ALOX5: variants seen among roughly 807,000 people sequenced by gnomAD.
ALOX5 encodes the protein polyunsaturated fatty acid 5-lipoxygenase.
Under a neutral mutation model 87.9 loss-of-function variants are expected in ALOX5, and 64 were observed. The observed-to-expected ratio is 0.73, with a 90% CI of 0.60 to 0.90. The LOEUF is 0.90. Ranked by LOEUF, ALOX5 falls within the 40% of genes least tolerant of loss-of-function variation. ALOX5 has a pLI of 0.00. For synonymous variants in ALOX5, 388 were observed against 355.1 expected, an observed-to-expected ratio of 1.09 and a Z score of -1.04; for missense variants, 822 against 907.5, an observed-to-expected ratio of 0.91 and a Z score of 1.21.
chr10:45,408,376 G>A (rs934148616), intron 3 of ALOX5, among the ~76,000 whole-genome samples: 2 of 152,152 alleles, frequency 1.3e-5, no homozygotes, highest in Non-Finnish European at 2.9e-5. Flanking sequence ...GACAACTTGG[G>A]GGAGGGGAGC....
At chr10:45,421,328 GT>G (rs1479945852) in intron 4 of ALOX5, among the ~76,000 whole-genome samples, 4 of 152,292 alleles carry the variant, frequency 2.6e-5, no homozygotes, top group Admixed American at 2.0e-4. Context: ...TGGGTAATTG[GT>G]GACTCACTCC....
At chr10:45,443,311 T>C (rs1842303983) in intron 10 of ALOX5, 95 bp downstream of exon 10, 2 of 1,578,782 alleles carry the variant, frequency 1.3e-6, no homozygotes, top group Admixed American at 3.5e-5. Flanking sequence ...TAGCGCTGAA[T>C]GGGGACGGGG....
intron 1 of ALOX5, among the ~76,000 whole-genome samples, chr10:45,376,337 G>C (rs1345677033): frequency 6.6e-6 from 1 of 151,758 alleles, no homozygotes; most frequent in South Asian, 2.1e-4. Flanking sequence ...GGTGGGGCGG[G>C]GGGTGGTTGG....
intron 2 of ALOX5, among the ~76,000 whole-genome samples, chr10:45,384,990 C>G (rs1839964218): frequency 6.6e-6 from 1 of 152,012 alleles, no homozygotes; most frequent in Non-Finnish European, 1.5e-5. Context: ...TTACAGGCTC[C>G]AGGTAGCCAC....
intron 1 of ALOX5, among the ~76,000 whole-genome samples, chr10:45,380,579 A>G (rs1839790907): frequency 6.6e-6 from 1 of 152,214 alleles, no homozygotes; most frequent in South Asian, 2.1e-4. Flanking sequence ...CCACTTTGCC[A>G]TCATGCTGAG....
intron 2 of ALOX5, among the ~76,000 whole-genome samples, chr10:45,390,095 G>T (rs1009229127): frequency 5.9e-5 from 9 of 152,158 alleles, no homozygotes; most frequent in African/African-American, 2.2e-4. Flanking sequence ...AGACAAAGAA[G>T]GCCATTACAT....
At chr10:45,396,412 G>T (rs138359103) in intron 3 of ALOX5, among the ~76,000 whole-genome samples, 191 of 152,164 alleles carry the variant, frequency 1.3e-3, no homozygotes, top group African/African-American at 4.3e-3. Context: ...TAAAATGAGG[G>T]AAAATCAATA....
intron 3 of ALOX5, among the ~76,000 whole-genome samples, chr10:45,401,555 A>G (rs544772990): frequency 1.3e-5 from 2 of 152,272 alleles, no homozygotes; most frequent in Non-Finnish European, 2.9e-5. Flanking sequence ...CAGTGTAGCA[A>G]AAATCATTTT....
In ALOX5 at chr10:45,435,097, T is replaced by A. The variant is rs182460532; in HGVS notation, c.982-5333T>A. Among the ~76,000 whole-genome samples the A allele has an allele frequency of 2.6e-5, 4 of 152,060 alleles. No individual in the cohort carries two copies. In the East Asian group the frequency reaches 7.7e-4, roughly 29 times the overall value. On this transcript the variant is annotated intron_variant, in intron 7 of 13. Coordinates refer to ENST00000374391, the MANE Select transcript of ALOX5 (RefSeq NM_000698.5). ...GACAGGAGTGGGAGGATGTGAAGGA[T>A]GGGTTGGGGAAGGCCCAGCTCAGTG...
intron 7 of ALOX5, among the ~76,000 whole-genome samples, chr10:45,434,996 T>A (rs1467327528): frequency 6.6e-6 from 1 of 152,208 alleles, no homozygotes; most frequent in Non-Finnish European, 1.5e-5. Context: ...AGCTACTTCC[T>A]TACCCAAAAA....
intron 7 of ALOX5, among the ~76,000 whole-genome samples, chr10:45,434,414 A>T (rs1842003040): frequency 6.6e-6 from 1 of 152,234 alleles, no homozygotes; most frequent in Admixed American, 6.5e-5. Flanking sequence ...GGGGAAAAAA[A>T]TTGAAAACAG....
chr10:45,388,781 G>C (rs1346395050), intron 2 of ALOX5, among the ~76,000 whole-genome samples: 2 of 152,238 alleles, frequency 1.3e-5, no homozygotes, highest in African/African-American at 2.4e-5. Flanking sequence ...ACAAATCAGA[G>C]TGCCTCTCCC....
Position 45,428,663 on chromosome 10 carries a change from G to A in ALOX5, c.880G>A (p.Asp294Asn), listed in dbSNP as rs535808410. The change falls in exon 7 of 14, where the codon GAT (aspartate) becomes AAT (asparagine). Residue 294 changes from aspartate (D) to asparagine (N), a missense_variant. By Grantham distance (23) the Asp-to-Asn change is conservative. Transcript: ENST00000374391. ...IVDFELLDGI[D>N]ANKTDPCTLQ... ...GGACTTTGAGCTGCTGGATGGCATC[G>A]ATGCCAACAAAACAGACCCCTGCAC... The A allele has an allele frequency of 6.2e-6, 10 of 1,614,078 alleles. No individual in the cohort carries two copies. The highest frequency in any genetic ancestry group is 1.7e-5 in the Admixed American group (1 of 60,026).
intron 6 of ALOX5, chr10:45,428,233 C>T: frequency 5.6e-6 from 1 of 179,184 alleles, no homozygotes; most frequent in Non-Finnish European, 1.2e-5. Flanking sequence ...TTGAGTTCGC[C>T]AGTTTTGACT....
chr10:45,441,665 C>G, intron 9 of ALOX5: 2 of 491,630 alleles, frequency 4.1e-6, no homozygotes, highest in Non-Finnish European at 7.2e-6. Flanking sequence ...TGGTCCCCTC[C>G]TCCCACCCCT....
rs1325710968 is a variant in ALOX5, at chr10:45,425,953, C to T, written c.834+821C>T. Among the ~76,000 whole-genome samples, 1 of 152,194 alleles carries T rather than the reference C, an allele frequency of 6.6e-6. No individual in the cohort carries two copies. The highest frequency in any genetic ancestry group is 2.4e-5 in the African/African-American group (1 of 41,448). ...GCCCCAGTACCTGGCCCACCTGAAT[C>T]TAGAGGGCCACCCACCCAGCTGAAG... is the stretch of plus-strand genomic sequence containing the variant. On this transcript the variant is annotated intron_variant, in intron 6 of 13. Transcript: ENST00000374391. This position sits in a 1 kb window ranked among gnomAD's most constrained non-coding sequence, Gnocchi z 4.4.
chr10:45,413,306 G>C (rs1224983602), intron 4 of ALOX5, among the ~76,000 whole-genome samples: 1 of 152,184 alleles, frequency 6.6e-6, no homozygotes, highest in Admixed American at 6.5e-5. Context: ...ATCAATAAAT[G>C]TAATCTAGCA....
chr10:45,389,596 C>T (rs1346658931), intron 2 of ALOX5, among the ~76,000 whole-genome samples: 1 of 152,142 alleles, frequency 6.6e-6, no homozygotes, highest in Non-Finnish European at 1.5e-5. Context: ...CCAAACTAAG[C>T]TTCATAAGTG....
chr10:45,393,782 A>G (rs949353779), intron 2 of ALOX5, among the ~76,000 whole-genome samples: 5 of 152,250 alleles, frequency 3.3e-5, no homozygotes, highest in African/African-American at 9.6e-5. Flanking sequence ...TCAATGTGCA[A>G]GAATCACAAG....
Sources: allele counts gnomAD v4.1 joint callset (sites outside exome capture counted in the v4.1 genomes callset), GRCh38; gene constraint gnomAD v4.1.1; non-coding constraint Gnocchi (gnomAD v3.1); transcripts MANE v1.5; gene names NCBI Gene and HGNC (gene_info 2026-07-23, HGNC 2026-07-21).